The following RBFOX1 variants were observed in gnomAD, a reference collection of about 807,000 sequenced individuals.
RBFOX1 encodes the protein RNA binding protein fox-1 homolog 1.
Under a neutral mutation model 57.7 loss-of-function variants are expected in RBFOX1, and 8 were observed. The ratio of observed to expected loss-of-function variants is 0.14; its 90% CI spans 0.08 to 0.25. The LOEUF (loss-of-function observed/expected upper bound fraction) is 0.25. Among genes scored for constraint, RBFOX1 ranks in the 10% least tolerant of loss-of-function variants. The pLI is 1.00. For missense variants in RBFOX1, 611 were observed against 548.5 expected, an observed-to-expected ratio of 1.11 and a Z score of -1.14; for synonymous variants, 326 against 222.4, an observed-to-expected ratio of 1.47 and a Z score of -4.15.
intron 4 of RBFOX1, among the ~76,000 whole-genome samples, chr16:7,486,505 C>G (rs566708105): frequency 1.3e-5 from 2 of 152,168 alleles, no homozygotes; most frequent in East Asian, 3.9e-4. Flanking sequence ...CACTTAACTT[C>G]TCTCGGTTTT....
intron 3 of RBFOX1, among the ~76,000 whole-genome samples, chr16:6,961,811 T>A (rs566446197): frequency 1.3e-5 from 2 of 152,232 alleles, no homozygotes; most frequent in East Asian, 3.9e-4. Context: ...GCGTTATAAT[T>A]AATGTATAAT....
chr16:7,332,539 A>G (rs918574009), intron 4 of RBFOX1, among the ~76,000 whole-genome samples: 3 of 152,082 alleles, frequency 2.0e-5, no homozygotes, highest in Non-Finnish European at 4.4e-5. Flanking sequence ...ATTAATTTAC[A>G]TTTCTCAGTT....
intron 1 of RBFOX1, among the ~76,000 whole-genome samples, chr16:6,294,679 T>G (rs144737949): frequency 2.2e-3 from 334 of 152,310 alleles, no homozygotes; most frequent in African/African-American, 7.5e-3. Flanking sequence ...CTTAGGTTAA[T>G]GCAAGTTTAG....
At chr16:5,423,263 G>T (rs917551569) in intron 1 of RBFOX1, among the ~76,000 whole-genome samples, 1 of 152,038 alleles carries the variant, frequency 6.6e-6, no homozygotes, top group Admixed American at 6.5e-5. Flanking sequence ...TCACTATCAG[G>T]AAAGTGACAT....
intron 4 of RBFOX1, among the ~76,000 whole-genome samples, chr16:7,396,673 C>A (rs1240244812): frequency 2.6e-5 from 4 of 152,218 alleles, no homozygotes; most frequent in African/African-American, 9.6e-5. Flanking sequence ...AGAGTGGTGA[C>A]TTACACCTGT....
At chr16:6,965,079 G>A (rs893140875) in intron 3 of RBFOX1, among the ~76,000 whole-genome samples, 4 of 152,068 alleles carry the variant, frequency 2.6e-5, no homozygotes, top group African/African-American at 4.8e-5. Flanking sequence ...GCAGTGTTAT[G>A]TAGCTTCTTC....
intron 3 of RBFOX1, among the ~76,000 whole-genome samples, chr16:6,736,009 T>C (rs1307474506): frequency 6.6e-6 from 1 of 152,168 alleles, no homozygotes; most frequent in Non-Finnish European, 1.5e-5. Context: ...TAACTTCTTC[T>C]TTTTGAAAGG....
At chr16:6,858,145 CTG>C (rs1174910240) in intron 3 of RBFOX1, among the ~76,000 whole-genome samples, 1 of 152,124 alleles carries the variant, frequency 6.6e-6, no homozygotes, top group South Asian at 2.1e-4. Context: ...ATTAACGTGA[CTG>C]TAATTTAATA....
chr16:7,309,893 T>C (rs1019472753), intron 4 of RBFOX1, among the ~76,000 whole-genome samples: 2 of 152,196 alleles, frequency 1.3e-5, no homozygotes, highest in Non-Finnish European at 1.5e-5. Flanking sequence ...AGACCCCTTT[T>C]TAATGGACGG....
At position 7,337,094 on chromosome 16, in the gene RBFOX1, G is replaced by A. The variant is rs549067568; in HGVS notation, c.28-181053G>A. On this transcript the variant is annotated intron_variant, in intron 4 of 15. Transcript: ENST00000550418. ...GTCTTAGGTAAGAAATTGCAGTCAT[G>A]CCTTTAATTCCCCTTTGCCTATGGA... Among the ~76,000 whole-genome samples, 10 of 152,294 alleles carry A rather than the reference G, an allele frequency of 6.6e-5. No individual in the cohort carries two copies. In the South Asian group the frequency reaches 2.1e-3, roughly 32 times the overall value.
chr16:7,147,095 C>G lies in RBFOX1; in HGVS notation c.27+94997C>G, dbSNP rs377419611. On this transcript the variant is annotated intron_variant, in intron 4 of 15. Transcript: ENST00000550418. Reference sequence around the variant, plus strand: ...CCCAGGTTCAAGTGTTTCTCCTACCCCAGCCTCCTGAATAGCTGGGATTGC... The same window carrying G: ...CCCAGGTTCAAGTGTTTCTCCTACCGCAGCCTCCTGAATAGCTGGGATTGC... Among the ~76,000 whole-genome samples, 383 of 122,828 alleles carry G rather than the reference C, an allele frequency of 3.1e-3. 4 individuals are homozygous for G. Among genetic ancestry groups the G allele is most frequent in the African/African-American group, 0.011 (362 of 32,416 alleles). The allele number at this position is 122,828 out of a possible 152,430, so 80.6% of individuals were successfully genotyped here. A position where few individuals can be genotyped will look rare whatever the true frequency, so the allele number is the denominator to read the frequency against.
intron 4 of RBFOX1, among the ~76,000 whole-genome samples, chr16:5,961,743 G>A (rs1039005320): frequency 6.6e-6 from 1 of 152,060 alleles, no homozygotes; most frequent in Non-Finnish European, 1.5e-5. Flanking sequence ...GCCCAGGCTG[G>A]TCTCAAACTC....
chr16:6,948,681 G>A (rs931379568), intron 3 of RBFOX1, among the ~76,000 whole-genome samples: 8 of 152,042 alleles, frequency 5.3e-5, no homozygotes, highest in Middle Eastern at 3.4e-3. Flanking sequence ...CACGCCTGGC[G>A]TTGTGTCAGT....
At chr16:6,527,759 C>T (rs1348437893) in intron 2 of RBFOX1, among the ~76,000 whole-genome samples, 3 of 152,082 alleles carry the variant, frequency 2.0e-5, no homozygotes, top group African/African-American at 4.8e-5. Flanking sequence ...TGTCTCTCAC[C>T]TTGTGGGCGA....
intron 1 of RBFOX1, among the ~76,000 whole-genome samples, chr16:5,303,974 CT>C (rs1167738747): frequency 2.0e-5 from 3 of 152,066 alleles, no homozygotes; most frequent in African/African-American, 7.2e-5. Context: ...TTAAATGGAA[CT>C]TTTCTCTATG....
chr16:5,454,678 G>C (rs967407163), intron 1 of RBFOX1, among the ~76,000 whole-genome samples: 1 of 152,016 alleles, frequency 6.6e-6, no homozygotes, highest in Non-Finnish European at 1.5e-5. Flanking sequence ...TGCAGATTTA[G>C]GATTTTGCAG....
chr16:6,903,538 G>A (rs1308030241), intron 3 of RBFOX1, among the ~76,000 whole-genome samples: 1 of 152,310 alleles, frequency 6.6e-6, no homozygotes, highest in East Asian at 1.9e-4. Flanking sequence ...TCAATAGGAT[G>A]TGAGCTCGGA....
At chr16:6,277,579 C>CTGGG (rs1397520058) in intron 1 of RBFOX1, among the ~76,000 whole-genome samples, 1 of 150,472 alleles carries the variant, frequency 6.6e-6, no homozygotes, top group African/African-American at 2.5e-5. Flanking sequence ...GGAGATCAGC[C>CTGGG]TGGGCAATAG....
chr16:5,380,247 G>T (rs1182296860), intron 1 of RBFOX1, among the ~76,000 whole-genome samples: 1 of 152,132 alleles, frequency 6.6e-6, no homozygotes, highest in Non-Finnish European at 1.5e-5. Context: ...TTGCATGTAC[G>T]GTCGACTTTC....
Sources: allele counts gnomAD v4.1 joint callset (sites outside exome capture counted in the v4.1 genomes callset), GRCh38; gene constraint gnomAD v4.1.1; transcripts MANE v1.5; gene names NCBI Gene and HGNC (gene_info 2026-07-23, HGNC 2026-07-21).